STAMBP: variants seen among roughly 807,000 people sequenced by gnomAD.
STAMBP encodes STAM-binding protein.
A neutral mutation model predicts 50.7 loss-of-function variants in STAMBP; 31 were observed. The observed-to-expected ratio is 0.61, with a 90% CI of 0.46 to 0.83. STAMBP has a LOEUF of 0.83. Ranked by LOEUF, STAMBP falls within the 40% of genes least tolerant of loss-of-function variation. STAMBP has a pLI of 0.00. For missense variants in STAMBP, 472 were observed against 518.9 expected, an observed-to-expected ratio of 0.91 and a Z score of 0.88; for synonymous variants, 211 against 192.4, an observed-to-expected ratio of 1.10 and a Z score of -0.80.
At chr2:73,868,115 ACT>A (rs1275279520), downstream of STAMBP, among the ~76,000 whole-genome samples, 1 of 142,344 alleles carries the variant, frequency 7.0e-6, no homozygotes, top group South Asian at 2.2e-4. Context: ...CAAGAGCAAA[ACT>A]CTGTCTCAAA....
At chr2:73,869,600 A>G (rs531909001), downstream of STAMBP, among the ~76,000 whole-genome samples, 34 of 152,322 alleles carry the variant, frequency 2.2e-4, no homozygotes, top group African/African-American at 7.9e-4. Flanking sequence ...TTATTACCAG[A>G]TAATGCTTAT....
chr2:73,859,923 A>G, intron 8 of STAMBP, 129 bp from the exon 9 acceptor site: 1 of 633,128 alleles, frequency 1.6e-6, no homozygotes, highest in South Asian at 1.9e-5. Flanking sequence ...GCAGCATCCT[A>G]CAGAAGCTGT....
At chr2:73,869,325 G>A (rs1205616253), downstream of STAMBP, among the ~76,000 whole-genome samples, 2 of 152,138 alleles carry the variant, frequency 1.3e-5, no homozygotes, top group Non-Finnish European at 2.9e-5. Context: ...AACAGGAAAT[G>A]TGCAAGCCTC....
At position 73,850,534 on chromosome 2, in the gene STAMBP, C is replaced by T. The variant is rs759424445; in HGVS notation, c.1005+21C>T. ...TTCATGTAAGCAATTCTGAGCTGTC[C>T]GAGAGTTAGTCTCTGCCTCTCCCAT... On this transcript the variant is annotated intron_variant, in intron 7 of 9. Coordinates refer to ENST00000394070, the MANE Select transcript of STAMBP (RefSeq NM_213622.4). This position sits in a 1 kb window ranked among gnomAD's most constrained non-coding sequence, Gnocchi z 4.3. 39 of 1,604,030 alleles carry T rather than the reference C, an allele frequency of 2.4e-5. No homozygotes were observed. Among genetic ancestry groups the T allele is most frequent in the Middle Eastern group, 1.7e-4 (1 of 6,038 alleles).
At chr2:73,846,313 A>C (rs1676046524) in intron 4 of STAMBP, among the ~76,000 whole-genome samples, 2 of 152,094 alleles carry the variant, frequency 1.3e-5, no homozygotes, top group Non-Finnish European at 2.9e-5. Context: ...GTTAAAATTC[A>C]GTAGAAGGCA....
intron 7 of STAMBP, among the ~76,000 whole-genome samples, chr2:73,856,591 C>G (rs954979889): frequency 6.6e-6 from 1 of 152,192 alleles, no homozygotes; most frequent in Admixed American, 6.5e-5. Flanking sequence ...CACTGAGTGC[C>G]ATTCACAATT....
In STAMBP at chr2:73,865,856, A is replaced by G. The variant is rs1423934021; in HGVS notation, c.*3597A>G. On this transcript the variant is annotated 3_prime_UTR_variant, in exon 10 of 10. Transcript: ENST00000394070. ...GGGCAGATCCACATTCTTTAGCACT[A>G]GCTAGGCTTTGACTCCAAAGCTATC... The G allele has an allele frequency of 6.6e-6, 1 of 152,224 alleles. No homozygotes were observed. The highest frequency in any genetic ancestry group is 6.5e-5 in the Admixed American group (1 of 15,288). 9.4% of individuals were successfully genotyped at this position (152,224 alleles called of 1,614,324 possible).
intron 2 of STAMBP, among the ~76,000 whole-genome samples, chr2:73,840,927 C>T (rs950576472): frequency 4.6e-5 from 7 of 152,032 alleles, no homozygotes; most frequent in South Asian, 2.1e-4. Context: ...CAGGTATGAT[C>T]AACCTTTAAG....
At chr2:73,855,776 G>C (rs1027721768) in intron 7 of STAMBP, 13 of 438,472 alleles carry the variant, frequency 3.0e-5, no homozygotes, top group African/African-American at 2.2e-4. Context: ...CTCAGATGAG[G>C]CTGCACATAA....
At chr2:73,858,690 A>C in intron 7 of STAMBP, among the ~76,000 whole-genome samples, 1 of 152,350 alleles carries the variant, frequency 6.6e-6, no homozygotes, top group East Asian at 1.9e-4. Flanking sequence ...AGAAATTATG[A>C]GTCTCTTCAC....
At chr2:73,832,229 C>T (rs414255) in intron 2 of STAMBP, among the ~76,000 whole-genome samples, 19,569 of 151,218 alleles carry the variant, frequency 0.13, 1,659 homozygotes, top group East Asian at 0.31. Context: ...CCAGGGCAGG[C>T]GGATCACCTG....
chr2:73,852,917 GGTGTGTGTGTGTGT>G (rs56684009), intron 7 of STAMBP, among the ~76,000 whole-genome samples: 3 of 122,768 alleles, frequency 2.4e-5, no homozygotes, highest in Non-Finnish European at 3.5e-5. Context: ...ATGTTGGCCA[GGTGTGTGTGTGTGT>G]GTGTGTGTGT....
At chr2:73,832,460 C>CA (rs76931812) in intron 2 of STAMBP, among the ~76,000 whole-genome samples, 9,103 of 122,592 alleles carry the variant, frequency 0.074, 564 homozygotes, top group African/African-American at 0.17. Context: ...GAGACTGTTT[C>CA]AAAAAAAAAA....
chr2:73,830,394 GT>G (rs1246164849), intron 1 of STAMBP, among the ~76,000 whole-genome samples: 1 of 152,250 alleles, frequency 6.6e-6, no homozygotes, highest in East Asian at 1.9e-4. Context: ...CAACCTTGAA[GT>G]TAGTTAACAA....
Position 73,873,325 on chromosome 2 carries a change from A to G in STAMBP, c.*46-27A>G, listed in dbSNP as rs1679273943. 2.6e-5 allele frequency: 4 copies of G among 152,270 alleles called. No homozygotes were observed. In the South Asian group the frequency reaches 8.3e-4, roughly 32 times the overall value. The allele number at this position is 152,270 out of a possible 1,614,324, so 9.4% of individuals were successfully genotyped here. On this transcript the variant is annotated intron_variant, in intron 10 of 10. Transcript: ENST00000409707. The stretch of plus-strand genomic sequence containing the variant: ...TAAGATATGAGGCGCTTAACTTTTA[A>G]CTCATTTTTGTTTTGTTTTAACACA...
chr2:73,844,937 C>T (rs755183621), intron 3 of STAMBP, 49 bp downstream of exon 3: 11 of 1,596,732 alleles, frequency 6.9e-6, no homozygotes, highest in Non-Finnish European at 9.4e-6. Flanking sequence ...CAGAGCAGCA[C>T]AGACTGACTT....
rs1676731075 is a variant in STAMBP at position 73,850,909 on chromosome 2, T to C, written c.1005+396T>C. Among the ~76,000 whole-genome samples the C allele has an allele frequency of 6.6e-6, 1 of 152,198 alleles. No individual in the cohort carries two copies. The highest frequency in any genetic ancestry group is 1.5e-5 in the Non-Finnish European group (1 of 68,034). On this transcript the variant is annotated intron_variant, in intron 7 of 9. Transcript: ENST00000394070. This position sits in a 1 kb window ranked among gnomAD's most constrained non-coding sequence, Gnocchi z 4.3. ...TTTTAAATGAGCCAAGGAGGTTAAT[T>C]CAGATGCTTGCATTTGGTCTTTCTT... is the stretch of plus-strand genomic sequence containing the variant.
In STAMBP at chr2:73,832,385, G is replaced by T. The variant is rs187123728; in HGVS notation, c.203+1326G>T. Among the ~76,000 whole-genome samples, 670 of 151,044 alleles carry T rather than the reference G, an allele frequency of 4.4e-3. 3 individuals are homozygous for T. Among genetic ancestry groups the T allele is most frequent in the African/African-American group, 0.016 (639 of 41,132 alleles). On this transcript the variant is annotated intron_variant, in intron 2 of 9. Coordinates refer to ENST00000394070, the MANE Select transcript of STAMBP (RefSeq NM_213622.4). ...CAGGAGAATCGCTTGAAACCAGGAG[G>T]CAGAGGTTGTAGTGAGCCGAGATCG...
At chr2:73,855,230 T>G (rs1320649730) in intron 7 of STAMBP, among the ~76,000 whole-genome samples, 1 of 152,184 alleles carries the variant, frequency 6.6e-6, no homozygotes, top group Non-Finnish European at 1.5e-5. Flanking sequence ...AGGGAAAATT[T>G]CCCTCTTAGG....
Sources: allele counts gnomAD v4.1 joint callset (sites outside exome capture counted in the v4.1 genomes callset), GRCh38; gene constraint gnomAD v4.1.1; non-coding constraint Gnocchi (gnomAD v3.1); transcripts MANE v1.5; gene names NCBI Gene and HGNC (gene_info 2026-07-23, HGNC 2026-07-21).